The following RFX2 variants were observed in gnomAD, a reference collection of about 807,000 sequenced individuals.
RFX2 encodes DNA-binding protein RFX2.
A neutral mutation model predicts 87.8 loss-of-function variants in RFX2; 20 were observed. The observed-to-expected ratio is 0.23, with a 90% confidence interval of 0.16 to 0.33. The LOEUF (loss-of-function observed/expected upper bound fraction) is 0.33. RFX2 is among the 10% of genes least tolerant of loss of function. The pLI, the probability that RFX2 is intolerant of heterozygous loss-of-function variation, is 1.00. For synonymous variants in RFX2, 397 were observed against 431.3 expected, an observed-to-expected ratio of 0.92 and a Z score of 0.98; for missense variants, 767 against 1,012.3, an observed-to-expected ratio of 0.76 and a Z score of 3.29.
At chr19:6,051,869 C>G (rs946217166) in intron 1 of RFX2, among the ~76,000 whole-genome samples, 1 of 152,000 alleles carries the variant, frequency 6.6e-6, no homozygotes, top group Admixed American at 6.6e-5. Context: ...AAACTCTGAT[C>G]TTTTATTTTT....
chr19:6,002,964 G>T lies in RFX2; in HGVS notation c.1501-94C>A, dbSNP rs1599839922. On this transcript the variant is annotated intron_variant, in intron 13 of 17. Transcript: ENST00000303657. The surrounding 1 kb of genome is among the most constrained non-coding windows in gnomAD (Gnocchi z 6.7). ...GGTGTGTGGGCTCAGGGACAACACAGGGAGGAGGGAGCAGGAAACAGCAAC... is the reference window on the plus strand; with the variant it reads ...GGTGTGTGGGCTCAGGGACAACACATGGAGGAGGGAGCAGGAAACAGCAAC... The T allele has an allele frequency of 1.4e-6, 2 of 1,398,340 alleles. No individual in the cohort carries two copies. Among genetic ancestry groups the T allele is most frequent in the East Asian group, 4.9e-5 (2 of 40,474 alleles). The allele number at this position is 1,398,340 out of a possible 1,614,324, so 86.6% of individuals were successfully genotyped here.
rs909674110 is a variant in RFX2 at position 6,062,319 on chromosome 19, C to T, written c.-8-14815G>A. On this transcript the variant is annotated intron_variant, in intron 1 of 17. Transcript: ENST00000303657. Reference sequence around the variant, plus strand: ...CGGGCAAAGCTGGTATACGTGGGGGCTGACTGACTCTGAGGAAGCCGTGAC... The same window carrying T: ...CGGGCAAAGCTGGTATACGTGGGGGTTGACTGACTCTGAGGAAGCCGTGAC... 2.0e-5 allele frequency among the ~76,000 whole-genome samples: 3 copies of T among 152,272 alleles called. No individual in the cohort carries two copies. The East Asian group carries it at 5.8e-4, about 29-fold the overall frequency.
rs2086908985 is a variant in RFX2 at position 6,027,674 on chromosome 19, T to C, written c.523-1437A>G. On this transcript the variant is annotated intron_variant, in intron 5 of 17. Transcript: ENST00000303657. The surrounding 1 kb of genome is among the most constrained non-coding windows in gnomAD (Gnocchi z 5.0). ...AGAAGAAAACACTGTCTCTCCAACA[T>C]AGTGGGTCTCAATCATTTGGTCTAT... Among the ~76,000 whole-genome samples the C allele has an allele frequency of 6.6e-6, 1 of 152,222 alleles. No individual in the cohort carries two copies. Among genetic ancestry groups the C allele is most frequent in the Non-Finnish European group, 1.5e-5 (1 of 68,050 alleles).
At chr19:6,019,495 GAAGT>G (rs1444767253) in intron 6 of RFX2, among the ~76,000 whole-genome samples, 5 of 139,570 alleles carry the variant, frequency 3.6e-5, no homozygotes, top group Admixed American at 7.1e-5. Context: ...CCTTGATGTT[GAAGT>G]TAGTGTGTGA....
chr19:6,046,771 A>AT (rs943894971), intron 2 of RFX2, among the ~76,000 whole-genome samples: 1 of 151,042 alleles, frequency 6.6e-6, no homozygotes, highest in African/African-American at 2.4e-5. Context: ...TAAATTTTTT[A>AT]TTTTTTATTT....
chr19:6,033,633 A>C (rs1394066605), intron 5 of RFX2, among the ~76,000 whole-genome samples: 3 of 151,670 alleles, frequency 2.0e-5, no homozygotes, highest in Non-Finnish European at 2.9e-5. Context: ...AAAAAAAAAA[A>C]AAACCCTATA....
intron 2 of RFX2, among the ~76,000 whole-genome samples, chr19:6,046,564 A>C (rs868282640): frequency 0.021 from 2,796 of 132,736 alleles, 34 homozygotes; most frequent in Non-Finnish European, 0.029. Flanking sequence ...GTCCCCCCCC[A>C]AAAAAAAAAA....
At chr19:6,059,557 T>C (rs781610063) in intron 1 of RFX2, among the ~76,000 whole-genome samples, 5 of 152,050 alleles carry the variant, frequency 3.3e-5, no homozygotes, top group African/African-American at 7.2e-5. Flanking sequence ...GTCCAACACA[T>C]TGGAGTGAAA....
chr19:6,010,302 G>T lies in RFX2; in HGVS notation c.900-51C>A, dbSNP rs1354674230. The T allele has an allele frequency of 1.6e-6, 2 of 1,282,622 alleles. No individual in the cohort carries two copies. Among genetic ancestry groups the T allele is most frequent in the Non-Finnish European group, 1.1e-6 (1 of 911,634 alleles). 79.5% of individuals were successfully genotyped at this position (1,282,622 alleles called of 1,614,324 possible). On this transcript the variant is annotated intron_variant, in intron 8 of 17. Coordinates refer to ENST00000303657, the MANE Select transcript of RFX2 (RefSeq NM_000635.4). This position sits in a 1 kb window ranked among gnomAD's most constrained non-coding sequence, Gnocchi z 5.0. ...ATGAGGCCCAGCAGCCCTGCTGCGG[G>T]TGGGCCCAAAGACTGGGGGGCTGGG...
At position 5,998,495 on chromosome 19, in the gene RFX2, G is replaced by A. The variant is rs1657011017; in HGVS notation, c.1860-1282C>T. Among the ~76,000 whole-genome samples, 2 of 152,192 alleles carry A rather than the reference G, an allele frequency of 1.3e-5. No homozygotes were observed. The highest frequency in any genetic ancestry group is 4.8e-5 in the African/African-American group (2 of 41,462). ...AATCGGTATCGAGCGATAAAAAGAAGACACAGGCTTGAGAAAGGCAAAGAC... is the reference window on the plus strand; with the variant it reads ...AATCGGTATCGAGCGATAAAAAGAAAACACAGGCTTGAGAAAGGCAAAGAC... On this transcript the variant is annotated intron_variant, in intron 15 of 17. Transcript: ENST00000303657. This position sits in a 1 kb window ranked among gnomAD's most constrained non-coding sequence, Gnocchi z 4.2.
chr19:6,060,469 C>G (rs1209067159), intron 1 of RFX2, among the ~76,000 whole-genome samples: 1 of 152,228 alleles, frequency 6.6e-6, no homozygotes, highest in African/African-American at 2.4e-5. Flanking sequence ...AGCTTATAGA[C>G]AAGCTCACAT....
rs1365888471 is a variant in RFX2 at position 6,097,196 on chromosome 19, C to T, written c.-9+13197G>A. ...GCAACAGAGGAGACAGCTCCATCTA[C>T]AGCCTTGGACTAGACCCTGGGGAGG... On this transcript the variant is annotated intron_variant, in intron 1 of 17. Coordinates refer to ENST00000303657, the MANE Select transcript of RFX2 (RefSeq NM_000635.4). Among the ~76,000 whole-genome samples the T allele has an allele frequency of 4.6e-5, 7 of 152,190 alleles. No homozygotes were observed. In the East Asian group the frequency reaches 1.3e-3, roughly 29 times the overall value.
At position 5,999,940 on chromosome 19, in the gene RFX2, AGGGGT is replaced by A. The variant is rs2086468774; in HGVS notation, c.1859+1870_1859+1874del. ...AGTGTGTAAGGAGACAGCTGAGAAC[AGGGGT>A]GCTGGCTGGCCAGCTGAGGGGTCAG... On this transcript the variant is annotated intron_variant, in intron 15 of 17. Coordinates refer to ENST00000303657, the MANE Select transcript of RFX2 (RefSeq NM_000635.4). The surrounding 1 kb of genome is among the most constrained non-coding windows in gnomAD (Gnocchi z 4.1). Among the ~76,000 whole-genome samples the A allele has an allele frequency of 1.3e-5, 2 of 149,352 alleles. No individual in the cohort carries two copies. Among genetic ancestry groups the A allele is most frequent in the Non-Finnish European group, 3.0e-5 (2 of 67,634 alleles).
chr19:6,054,702 T>C (rs1361653389), intron 1 of RFX2, among the ~76,000 whole-genome samples: 1 of 152,128 alleles, frequency 6.6e-6, no homozygotes, highest in African/African-American at 2.4e-5. Flanking sequence ...CCTTGACCCC[T>C]ACCTCACACC....
intron 1 of RFX2, among the ~76,000 whole-genome samples, chr19:6,059,633 T>C (rs2087398843): frequency 6.6e-6 from 1 of 152,146 alleles, no homozygotes; most frequent in South Asian, 2.1e-4. Flanking sequence ...AGTGGATATC[T>C]GTCCCCCAGG....
At position 5,994,854 on chromosome 19, in the gene RFX2, T is replaced by C. The variant is rs1383309723; in HGVS notation, c.2153A>G (p.His718Arg). ...LVKRERSDPN[H>R]SLQGI ...GGGCTGCTAGATGCCCTGCAGGGAGTGGTTGGGGTCACTGCGCTCCCGCTT... is the reference window on the plus strand; with the variant it reads ...GGGCTGCTAGATGCCCTGCAGGGAGCGGTTGGGGTCACTGCGCTCCCGCTT... Residue 718 changes from histidine (H) to arginine (R), a missense_variant, in exon 18 of 18, where the codon CAC becomes CGC. His to Arg is a conservative substitution (Grantham distance 29, BLOSUM62 0). This residue lies in a region of RFX2 where 621 missense variants were observed against 873.0 expected (regional missense o/e 0.71). Transcript: ENST00000303657. The C allele has an allele frequency of 3.7e-6, 6 of 1,609,056 alleles. No individual in the cohort carries two copies. The highest frequency in any genetic ancestry group is 5.1e-6 in the Non-Finnish European group (6 of 1,179,294).
intron 1 of RFX2, among the ~76,000 whole-genome samples, chr19:6,055,635 G>C (rs1407968277): frequency 6.6e-6 from 1 of 152,094 alleles, no homozygotes; most frequent in African/African-American, 2.4e-5. Flanking sequence ...TGTTGCCCAG[G>C]CTGGTCTCAA....
rs1186925753 is a variant in RFX2, at chr19:6,083,138, C to T, written c.-9+27255G>A. 1.3e-5 allele frequency among the ~76,000 whole-genome samples: 2 copies of T among 152,170 alleles called. No individual in the cohort carries two copies. The highest frequency in any genetic ancestry group is 1.9e-4 in the East Asian group (1 of 5,194). On this transcript the variant is annotated intron_variant, in intron 1 of 17. Transcript: ENST00000303657. The surrounding 1 kb of genome is among the most constrained non-coding windows in gnomAD (Gnocchi z 4.6). Reference sequence around the variant, plus strand: ...TCCAGGCTGGTCTTGAACTCCTGGCCTCAAGTGATCCACCCGCCTTGGCTT... The same window carrying T: ...TCCAGGCTGGTCTTGAACTCCTGGCTTCAAGTGATCCACCCGCCTTGGCTT...
At position 6,047,437 on chromosome 19, in the gene RFX2, C is replaced by T. The variant is rs374116967; in HGVS notation, c.60G>A (p.Ala20=). ...SPASVALRPS[A]AAPPVPASPQ... ...GGGAGGCTGGCACAGGCGGGGCTGC[C>T]GCCGAGGGACGCAGAGCCACGGACG... Residue 20 remains alanine (A), a synonymous_variant, in exon 2 of 18, where the codon GCG becomes GCA. Coordinates refer to ENST00000303657, the MANE Select transcript of RFX2 (RefSeq NM_000635.4). This position sits in a 1 kb window ranked among gnomAD's most constrained non-coding sequence, Gnocchi z 4.2. The T allele has an allele frequency of 2.2e-5, 35 of 1,600,800 alleles. No homozygotes were observed. In the African/African-American group the frequency reaches 3.3e-4, roughly 15 times the overall value.
Sources: allele counts gnomAD v4.1 joint callset (sites outside exome capture counted in the v4.1 genomes callset), GRCh38; gene constraint gnomAD v4.1.1; regional missense constraint gnomAD v4.1.1; non-coding constraint Gnocchi (gnomAD v3.1); transcripts MANE v1.5; gene names NCBI Gene and HGNC (gene_info 2026-07-23, HGNC 2026-07-21).